The following AGO2 variants were observed in gnomAD, a reference collection of about 807,000 sequenced individuals.
The protein encoded by AGO2 is argonaute RISC catalytic component 2.
AGO2 carries 5 observed loss-of-function variants against 102.3 expected under a neutral mutation model. The observed-to-expected ratio is 0.05, with a 90% CI of 0.03 to 0.10. The LOEUF (loss-of-function observed/expected upper bound fraction) is 0.10. Ranked by LOEUF, AGO2 falls within the 10% of genes least tolerant of loss-of-function variation. The pLI, the probability that AGO2 is intolerant of heterozygous loss-of-function variation, is 1.00. For synonymous variants in AGO2, 449 were observed against 473.1 expected (o/e 0.95, Z 0.66); for missense variants, 541 against 1,183.7 (o/e 0.46, Z 7.97).
chr8:140,588,337 A>G (rs899602910), intron 1 of AGO2, among the ~76,000 whole-genome samples: 5 of 152,200 alleles, frequency 3.3e-5, no homozygotes, highest in African/African-American at 1.2e-4. Flanking sequence ...GCCACAATAA[A>G]GCAGGTCACA....
chr8:140,615,415 C>T (rs896574350), intron 1 of AGO2, among the ~76,000 whole-genome samples: 1 of 152,368 alleles, frequency 6.6e-6, no homozygotes, highest in East Asian at 1.9e-4. Context: ...CCCCGGGCCC[C>T]CAGGCGGCCC....
chr8:140,597,479 C>T (rs1233777417), intron 1 of AGO2, among the ~76,000 whole-genome samples: 5 of 143,932 alleles, frequency 3.5e-5, no homozygotes, highest in Admixed American at 6.8e-5. Context: ...CCCCCACCCC[C>T]CCCCCCCCGC....
chr8:140,584,034 C>A (rs2073604088), intron 2 of AGO2, among the ~76,000 whole-genome samples: 1 of 151,810 alleles, frequency 6.6e-6, no homozygotes, highest in Non-Finnish European at 1.5e-5. Flanking sequence ...GTATCTCTAT[C>A]CTATTGGTTC....
chr8:140,625,253 C>A (rs1336761712), intron 1 of AGO2, among the ~76,000 whole-genome samples: 1 of 152,196 alleles, frequency 6.6e-6, no homozygotes, highest in Admixed American at 6.5e-5. Flanking sequence ...TTACAGGCGC[C>A]TGCCACCATG....
chr8:140,553,544 G>C (rs1448365796), intron 10 of AGO2, among the ~76,000 whole-genome samples: 1 of 151,840 alleles, frequency 6.6e-6, no homozygotes, highest in Non-Finnish European at 1.5e-5. Context: ...CGAGTAGCTG[G>C]GATTACAGGC....
chr8:140,553,908 C>G (rs902719413), intron 10 of AGO2, among the ~76,000 whole-genome samples: 1 of 151,024 alleles, frequency 6.6e-6, no homozygotes, highest in African/African-American at 2.4e-5. Flanking sequence ...CCATGTTGAC[C>G]GGAGGCTGGT....
intron 10 of AGO2, among the ~76,000 whole-genome samples, chr8:140,553,597 C>T (rs1272065554): frequency 6.6e-6 from 1 of 150,442 alleles, no homozygotes; most frequent in African/African-American, 2.5e-5. Context: ...TTAGTAGAGA[C>T]GGGATTTCTC....
At chr8:140,628,783 A>G (rs73364330) in intron 1 of AGO2, among the ~76,000 whole-genome samples, 3,893 of 149,766 alleles carry the variant, frequency 0.026, 177 homozygotes, top group African/African-American at 0.089. Context: ...AATAGCAGCA[A>G]CAACAACAAT....
At chr8:140,568,441 G>A (rs1296998804) in intron 3 of AGO2, among the ~76,000 whole-genome samples, 1 of 152,210 alleles carries the variant, frequency 6.6e-6, no homozygotes. Flanking sequence ...TGCTGAGGAG[G>A]GAGCGAGGGA....
At position 140,607,920 on chromosome 8, in the gene AGO2, G is replaced by A. The variant is rs146392997; in HGVS notation, c.23-22609C>T. ...TGAGTTATGTACTTTAAACCGGTCC[G>A]TTTTGTTCCGCATATTTTACAAACA... is the stretch of plus-strand genomic sequence containing the variant. On this transcript the variant is annotated intron_variant, in intron 1 of 18. Transcript: ENST00000220592. Among the ~76,000 whole-genome samples the A allele has an allele frequency of 4.6e-5, 7 of 152,252 alleles. No individual in the cohort carries two copies. The East Asian group carries it at 7.7e-4, about 17-fold the overall frequency.
chr8:140,616,593 G>C (rs2074145472), intron 1 of AGO2, among the ~76,000 whole-genome samples: 1 of 152,174 alleles, frequency 6.6e-6, no homozygotes, highest in African/African-American at 2.4e-5. Context: ...TAGCACATGG[G>C]TATTATTTAT....
At chr8:140,552,728 A>ACGTG (rs1554702369) in intron 10 of AGO2, among the ~76,000 whole-genome samples, 5 of 124,072 alleles carry the variant, frequency 4.0e-5, no homozygotes, top group African/African-American at 1.4e-4. Context: ...ACGCACATGC[A>ACGTG]CGCGCGCGCG....
intron 1 of AGO2, chr8:140,591,615 C>A (rs909806042): frequency 6.6e-6 from 1 of 152,336 alleles, no homozygotes; most frequent in East Asian, 1.9e-4. Context: ...ACCATCAACA[C>A]GGAATTTCCT....
chr8:140,558,078 C>A (rs369252619), intron 7 of AGO2, among the ~76,000 whole-genome samples: 3 of 152,340 alleles, frequency 2.0e-5, no homozygotes, highest in Middle Eastern at 3.4e-3. Context: ...TCTCACCCCC[C>A]ACTCCGGCCT....
At chr8:140,536,592 T>C (rs968176362) in intron 16 of AGO2, among the ~76,000 whole-genome samples, 1 of 152,254 alleles carries the variant, frequency 6.6e-6, no homozygotes, top group African/African-American at 2.4e-5. Context: ...CCCAAAGTGC[T>C]GGGATTACAG....
intron 2 of AGO2, among the ~76,000 whole-genome samples, chr8:140,579,864 G>A (rs892073278): frequency 6.6e-6 from 1 of 152,230 alleles, no homozygotes. Context: ...AGCTCTAGGC[G>A]CAAGGCTGAG....
chr8:140,619,414 C>T (rs1299496371), intron 1 of AGO2, among the ~76,000 whole-genome samples: 1 of 152,204 alleles, frequency 6.6e-6, no homozygotes, highest in African/African-American at 2.4e-5. Context: ...AACGACAATG[C>T]GGCCCAGCAA....
chr8:140,623,557 T>C (rs1338034653), intron 1 of AGO2, among the ~76,000 whole-genome samples: 2 of 152,164 alleles, frequency 1.3e-5, no homozygotes, highest in Non-Finnish European at 2.9e-5. Flanking sequence ...CACCTGGACC[T>C]AGCAACATCC....
chr8:140,542,378 CCCACTATT>C (rs2072815781), intron 14 of AGO2, among the ~76,000 whole-genome samples: 2 of 152,222 alleles, frequency 1.3e-5, no homozygotes, highest in South Asian at 4.1e-4. Flanking sequence ...AGTTAATTCT[CCCACTATT>C]CCACGTCCTT....
Sources: gnomAD v4.1 joint callset for allele counts (sites outside exome capture counted in the v4.1 genomes callset) on GRCh38, gnomAD v4.1.1 for gene constraint, MANE v1.5 for transcripts, NCBI Gene and HGNC (gene_info 2026-07-23, HGNC 2026-07-21) for gene names.